ETV3: variants seen among roughly 807,000 people sequenced by gnomAD.
The protein encoded by ETV3 is ETS translocation variant 3.
Under a neutral mutation model 33.0 loss-of-function variants are expected in ETV3, and 8 were observed. That is an observed-to-expected ratio of 0.24 (90% CI 0.14 to 0.44). The LOEUF is 0.44. ETV3 is among the 20% of genes least tolerant of loss of function. ETV3 has a pLI of 1.00. For synonymous variants in ETV3, 222 were observed against 238.9 expected, an observed-to-expected ratio of 0.93 and a Z score of 0.65; for missense variants, 473 against 652.3, an observed-to-expected ratio of 0.73 and a Z score of 2.99.
rs1429231441 is a variant in ETV3, at chr1:157,121,491, T to C, written c.*3350A>G. 1 of 152,212 alleles carries C rather than the reference T, an allele frequency of 6.6e-6. No individual in the cohort carries two copies. The highest frequency in any genetic ancestry group is 1.5e-5 in the Non-Finnish European group (1 of 68,042). The allele number at this position is 152,212 out of a possible 1,614,324, so 9.4% of individuals were successfully genotyped here. A position where few individuals can be genotyped will look rare whatever the true frequency, so the allele number is the denominator to read the frequency against. ...TGAAGTCACCTTTCACATGTAAATGTCTCATTCACAAATCCCTGCATCACA... is the reference window on the plus strand; with the variant it reads ...TGAAGTCACCTTTCACATGTAAATGCCTCATTCACAAATCCCTGCATCACA... On this transcript the variant is annotated 3_prime_UTR_variant, in exon 5 of 5. Coordinates refer to ENST00000368192, the MANE Select transcript of ETV3 (RefSeq NM_001145312.3).
chr1:157,129,920 T>G (rs181563370), intron 4 of ETV3, among the ~76,000 whole-genome samples: 2 of 152,186 alleles, frequency 1.3e-5, no homozygotes, highest in Non-Finnish European at 2.9e-5. Context: ...CTCAGCTCAC[T>G]GCAACCTCCG....
At position 157,137,890 on chromosome 1, in the gene ETV3, C is replaced by T. The variant is rs543108163; in HGVS notation, c.-14+426G>A. Among the ~76,000 whole-genome samples, 5 of 152,344 alleles carry T rather than the reference C, an allele frequency of 3.3e-5. No individual in the cohort carries two copies. In the East Asian group the frequency reaches 5.8e-4, roughly 18 times the overall value. On this transcript the variant is annotated intron_variant, in intron 1 of 4. Coordinates refer to ENST00000368192, the MANE Select transcript of ETV3 (RefSeq NM_001145312.3). ...GCCTTTCGCATATTCACTGCAAGGA[C>T]ACTTCCATCCAAGTAGGGCCACTCG... is the stretch of plus-strand genomic sequence containing the variant.
chr1:157,136,631 C>T (rs1224450921), intron 1 of ETV3, among the ~76,000 whole-genome samples: 1 of 152,178 alleles, frequency 6.6e-6, no homozygotes, highest in Admixed American at 6.5e-5. Context: ...TATTTGTTTT[C>T]CTCCTCCTGA....
At chr1:157,129,097 T>C (rs1674914874) in intron 4 of ETV3, among the ~76,000 whole-genome samples, 1 of 152,242 alleles carries the variant, frequency 6.6e-6, no homozygotes, top group African/African-American at 2.4e-5. Context: ...TTTATGTTCA[T>C]TTGCCTCTTA....
Position 157,124,727 on chromosome 1 carries a change from C to A in ETV3, c.*114G>T, listed in dbSNP as rs1466945903. ...CAAAACATAAAAATACAAGTCTATG[C>A]CCCTAGAATGATCAAACCAGTTTAA... is the stretch of plus-strand genomic sequence containing the variant. On this transcript the variant is annotated 3_prime_UTR_variant, in exon 5 of 5. Coordinates refer to ENST00000368192, the MANE Select transcript of ETV3 (RefSeq NM_001145312.3). 1.9e-6 allele frequency: 2 copies of A among 1,078,776 alleles called. No homozygotes were observed. The highest frequency in any genetic ancestry group is 2.6e-6 in the Non-Finnish European group (2 of 772,888). 66.8% of individuals were successfully genotyped at this position (1,078,776 alleles called of 1,614,324 possible).
Position 157,128,836 on chromosome 1 carries a change from A to G in ETV3, c.401-2857T>C, listed in dbSNP as rs140106129. On this transcript the variant is annotated intron_variant, in intron 4 of 4. Transcript: ENST00000368192. ...TTAAGACTGACTTGAGATTAGATGA[A>G]TATGTTTGGCTTTTGGAATTTTAAC... Among the ~76,000 whole-genome samples the G allele has an allele frequency of 1.5e-3, 227 of 152,318 alleles. 7 individuals are homozygous for G. The East Asian group carries it at 0.041, about 28-fold the overall frequency.
At position 157,123,365 on chromosome 1, in the gene ETV3, A is replaced by G. The variant is rs371698445; in HGVS notation, c.*1476T>C. 4 of 152,276 alleles carry G rather than the reference A, an allele frequency of 2.6e-5. No individual in the cohort carries two copies. The highest frequency in any genetic ancestry group is 9.6e-5 in the African/African-American group (4 of 41,464). 9.4% of individuals were successfully genotyped at this position (152,276 alleles called of 1,614,324 possible). ...TTTCCCATTCCTCTGAAGTTGCTGGAAGGACATTTCCCAGGAAGAAACAAT... is the reference window on the plus strand; with the variant it reads ...TTTCCCATTCCTCTGAAGTTGCTGGGAGGACATTTCCCAGGAAGAAACAAT... On this transcript the variant is annotated 3_prime_UTR_variant, in exon 5 of 5. Transcript: ENST00000368192.
At chr1:157,132,747 CTT>C (rs67621779) in intron 4 of ETV3, among the ~76,000 whole-genome samples, 2,267 of 142,560 alleles carry the variant, frequency 0.016, 36 homozygotes, top group African/African-American at 0.041. Context: ...TCCAATACCA[CTT>C]TTTTTTTTTT....
chr1:157,125,769 C>T lies in ETV3; in HGVS notation c.611G>A (p.Arg204Gln), dbSNP rs773478194. The T allele has an allele frequency of 3.6e-5, 56 of 1,551,530 alleles. No individual in the cohort carries two copies. The highest frequency in any genetic ancestry group is 4.8e-5 in the South Asian group (4 of 84,060). ...LEDGSAADWR[R>Q]GVDPVSSRNA... Reference sequence around the variant, plus strand: ...CCTGGAGGACACGGGATCCACACCCCGGCGCCAGTCAGCAGCTGAGCCATC... The same window carrying T: ...CCTGGAGGACACGGGATCCACACCCTGGCGCCAGTCAGCAGCTGAGCCATC... The change falls in exon 5 of 5, where the codon CGG becomes CAG. Residue 204 changes from arginine (R) to glutamine (Q), a missense_variant. Around this residue, in one of 3 missense-constraint regions of ETV3, gnomAD observed 410 missense variants for 520.2 expected, o/e 0.79. Transcript: ENST00000368192. This position sits in a 1 kb window ranked among gnomAD's most constrained non-coding sequence, Gnocchi z 4.0.
rs760650159 is a variant in ETV3, at chr1:157,135,714, ATG to A, written c.47-8_47-7del. 1.2e-6 allele frequency: 2 copies of A among 1,613,982 alleles called. No individual in the cohort carries two copies. The highest frequency in any genetic ancestry group is 1.7e-6 in the Non-Finnish European group (2 of 1,179,860). ...CCAGTCAGGAAACTGATACCCTTTC[ATG>A]TGAGAAGGTCAAGATTAAGCTAGTT... On this transcript the variant is annotated splice_polypyrimidine_tract_variant and splice_region_variant and intron_variant, in intron 2 of 4. Coordinates refer to ENST00000368192, the MANE Select transcript of ETV3 (RefSeq NM_001145312.3).
In ETV3 at chr1:157,122,413, A is replaced by G. The variant is rs1674725826; in HGVS notation, c.*2428T>C. The stretch of plus-strand genomic sequence containing the variant: ...TTACTGGTGGAATGGCAATCAAAGG[A>G]AACAGTTAAACACCAAACAATTTCT... On this transcript the variant is annotated 3_prime_UTR_variant, in exon 5 of 5. Coordinates refer to ENST00000368192, the MANE Select transcript of ETV3 (RefSeq NM_001145312.3). 6.6e-6 allele frequency: 1 copy of G among 152,142 alleles called. No homozygotes were observed. The highest frequency in any genetic ancestry group is 2.1e-4 in the South Asian group (1 of 4,820). 9.4% of individuals were successfully genotyped at this position (152,142 alleles called of 1,614,324 possible). A position where few individuals can be genotyped will look rare whatever the true frequency, so the allele number is the denominator to read the frequency against.
chr1:157,134,331 T>TA (rs1675043571), intron 3 of ETV3, 104 bp from the exon 4 acceptor site: 2 of 1,435,770 alleles, frequency 1.4e-6, no homozygotes, highest in Admixed American at 2.6e-5. Context: ...GAGTATTACT[T>TA]ACAAAAATCA....
intron 4 of ETV3, among the ~76,000 whole-genome samples, chr1:157,127,114 G>A (rs1464680993): frequency 4.6e-5 from 7 of 152,320 alleles, no homozygotes; most frequent in Admixed American, 6.5e-5. Flanking sequence ...GCACCGCTTC[G>A]CCGCATATAA....
chr1:157,136,454 C>T, intron 1 of ETV3, 89 bp from the exon 2 acceptor site: 8 of 1,206,938 alleles, frequency 6.6e-6, no homozygotes, highest in Non-Finnish European at 9.3e-6. Flanking sequence ...CCCAAACTTC[C>T]TTTCCCCTGT....
Position 157,124,696 on chromosome 1 carries a change from C to CA in ETV3, c.*144dup. The CA allele has an allele frequency of 1.2e-6, 1 of 824,968 alleles. No individual in the cohort carries two copies. The highest frequency in any genetic ancestry group is 1.8e-6 in the Non-Finnish European group (1 of 551,652). The allele number at this position is 824,968 out of a possible 1,614,324, so 51.1% of individuals were successfully genotyped here. A position where few individuals can be genotyped will look rare whatever the true frequency, so the allele number is the denominator to read the frequency against. On this transcript the variant is annotated 3_prime_UTR_variant, in exon 5 of 5. Transcript: ENST00000368192. ...TTTACAACAGAAGATAACCCCATCCCATCCCCAAAACATAAAAATACAAGT... is the reference window on the plus strand; with the variant it reads ...TTTACAACAGAAGATAACCCCATCCCAATCCCCAAAACATAAAAATACAAGT...
At chr1:157,135,385 C>G in intron 3 of ETV3, 86 bp downstream of exon 3, 1 of 1,493,358 alleles carries the variant, frequency 6.7e-7, no homozygotes, top group Non-Finnish European at 9.2e-7. Flanking sequence ...TCTTTTATTA[C>G]CTGATACCCT....
chr1:157,127,152 A>C (rs1437088728), intron 4 of ETV3, among the ~76,000 whole-genome samples: 1 of 152,268 alleles, frequency 6.6e-6, no homozygotes. Flanking sequence ...CCAAAAAACA[A>C]ATCAACAAAA....
Position 157,134,247 on chromosome 1 carries a change from T to C in ETV3, c.285-20A>G, listed in dbSNP as rs201404958. ...TAGTATCTGTAAAAACAGGAATACA[T>C]GTCCATTCGTCTTGTAGCTACTGAC... On this transcript the variant is annotated intron_variant, in intron 3 of 4. Transcript: ENST00000368192. The C allele has an allele frequency of 5.4e-4, 869 of 1,608,580 alleles. 4 individuals carry two copies. Among genetic ancestry groups the C allele is most frequent in the Middle Eastern group, 3.8e-3 (23 of 6,020 alleles).
At chr1:157,137,962 A>G (rs1429498905) in intron 1 of ETV3, among the ~76,000 whole-genome samples, 3 of 152,098 alleles carry the variant, frequency 2.0e-5, no homozygotes, top group Non-Finnish European at 2.9e-5. Flanking sequence ...TCTGATCGCG[A>G]CCACTCCCCG....
Sources: gnomAD v4.1 joint callset for allele counts (sites outside exome capture counted in the v4.1 genomes callset) on GRCh38, gnomAD v4.1.1 for gene constraint, gnomAD v4.1.1 regional missense constraint, Gnocchi (gnomAD v3.1) non-coding constraint, MANE v1.5 for transcripts, NCBI Gene and HGNC (gene_info 2026-07-23, HGNC 2026-07-21) for gene names.